Variants in MBD5 observed in about 807,000 individuals in gnomAD.
MBD5 encodes methyl-CpG-binding domain protein 5.
A neutral mutation model predicts 117.3 loss-of-function variants in MBD5; 13 were observed. The ratio of observed to expected loss-of-function variants is 0.11; its 90% CI spans 0.07 to 0.18. The LOEUF is 0.18. Ranked by LOEUF, MBD5 falls within the 10% of genes least tolerant of loss-of-function variation. The pLI is 1.00. For missense variants in MBD5, 1,879 were observed against 2,093.8 expected (o/e 0.90, Z 2.00); for synonymous variants, 727 against 766.4 (o/e 0.95, Z 0.85).
chr2:148,076,991 T>A (rs971576524), intron 1 of MBD5, among the ~76,000 whole-genome samples: 4 of 152,162 alleles, frequency 2.6e-5, no homozygotes, highest in Non-Finnish European at 4.4e-5. Context: ...TTTTAAAGGG[T>A]CAGGAAAAGA....
rs144975435 is a variant in MBD5 at position 148,288,000 on chromosome 2, G to C, written c.-679-54214G>C. ...TCTGAAGCTTTTCAAGTTTATTATA[G>C]ATGCTTTCTCATCTCAAATAACTCA... On this transcript the variant is annotated intron_variant, in intron 3 of 13. Coordinates refer to ENST00000642680, the MANE Select transcript of MBD5 (RefSeq NM_001378120.1). Among the ~76,000 whole-genome samples, 780 of 152,198 alleles carry C rather than the reference G, an allele frequency of 5.1e-3. 13 individuals are homozygous for C. Among genetic ancestry groups the C allele is most frequent in the African/African-American group, 0.018 (750 of 41,528 alleles).
At chr2:148,134,431 A>G (rs1041394518) in intron 1 of MBD5, among the ~76,000 whole-genome samples, 1 of 152,198 alleles carries the variant, frequency 6.6e-6, no homozygotes, top group Non-Finnish European at 1.5e-5. Context: ...AAAGTGGATT[A>G]TATTTCCTTT....
intron 4 of MBD5, among the ~76,000 whole-genome samples, chr2:148,366,961 G>A (rs754905408): frequency 6.6e-6 from 1 of 152,092 alleles, no homozygotes; most frequent in Non-Finnish European, 1.5e-5. Context: ...TTTCCTCACA[G>A]AATTAGAAAA....
chr2:148,498,947 T>C lies in MBD5; in HGVS notation c.4963-3489T>C, dbSNP rs566970023. Among the ~76,000 whole-genome samples the C allele has an allele frequency of 2.6e-3, 403 of 152,312 alleles. 1 individual carries two copies. Among genetic ancestry groups the C allele is most frequent in the African/African-American group, 9.2e-3 (384 of 41,574 alleles). ...TGAACAAACTATAAAACTATTTATGTTGAAGAATTATTATATCCAAACAAT... is the reference window on the plus strand; with the variant it reads ...TGAACAAACTATAAAACTATTTATGCTGAAGAATTATTATATCCAAACAAT... On this transcript the variant is annotated intron_variant, in intron 11 of 13. Transcript: ENST00000642680.
In MBD5 at chr2:148,483,842, C is replaced by T. The variant is rs1681246858; in HGVS notation, c.3251C>T (p.Thr1084Ile). The T allele has an allele frequency of 6.4e-7, 1 of 1,550,584 alleles. No homozygotes were observed. The highest frequency in any genetic ancestry group is 1.2e-5 in the South Asian group (1 of 84,058). Residue 1084 changes from threonine to isoleucine, a missense_variant, in exon 9 of 14, where the codon ACC (threonine) becomes ATC (isoleucine). Transcript: ENST00000642680. ...GTCAATGGGGCCTCAGGATTAATGA[C>T]CTTGAATCCCCAGCTGTTGGGAGGT... ...PAVNGASGLM[T>I]LNPQLLGGVL...
In MBD5 at chr2:148,314,375, G is replaced by GTTT. The variant is rs754531646; in HGVS notation, c.-679-27839_-679-27838insTTT. 3.4e-3 allele frequency among the ~76,000 whole-genome samples: 257 copies of GTTT among 74,872 alleles called. 1 individual carries two copies. The highest frequency in any genetic ancestry group is 5.5e-3 in the Non-Finnish European group (187 of 33,730). The allele number at this position is 74,872 out of a possible 152,430, so 49.1% of individuals were successfully genotyped here. A position where few individuals can be genotyped will look rare whatever the true frequency, so the allele number is the denominator to read the frequency against. On this transcript the variant is annotated intron_variant, in intron 3 of 13. Transcript: ENST00000642680. Reference sequence around the variant, plus strand: ...TCAGCAATTAATGTTTCAGTGTTATGGTTTTTTTTTTTTTTTTTTTGAGAC... The same window carrying GTTT: ...TCAGCAATTAATGTTTCAGTGTTATGTTTGTTTTTTTTTTTTTTTTTTTGAGAC...
chr2:148,422,153 A>G (rs1705629195), intron 4 of MBD5, among the ~76,000 whole-genome samples: 1 of 152,168 alleles, frequency 6.6e-6, no homozygotes, highest in Admixed American at 6.5e-5. Context: ...ACCTTTCAGT[A>G]GGGGCTGACA....
chr2:148,274,602 A>G, intron 3 of MBD5, among the ~76,000 whole-genome samples: 1 of 152,182 alleles, frequency 6.6e-6, no homozygotes, highest in East Asian at 1.9e-4. Flanking sequence ...GGATGGTAAA[A>G]TTTCTGGGTC....
intron 1 of MBD5, among the ~76,000 whole-genome samples, chr2:148,050,275 T>C (rs899796655): frequency 6.6e-6 from 1 of 152,204 alleles, no homozygotes; most frequent in African/African-American, 2.4e-5. Flanking sequence ...CCTTTACTGA[T>C]GGCTAACGAT....
chr2:148,498,854 T>C (rs1681785300), intron 11 of MBD5, among the ~76,000 whole-genome samples: 1 of 152,226 alleles, frequency 6.6e-6, no homozygotes, highest in Non-Finnish European at 1.5e-5. Context: ...TTCAGCCTTG[T>C]TCAGAAAAAC....
In MBD5 at chr2:148,354,615, C is replaced by T. The variant is rs1703329170; in HGVS notation, c.-557+12279C>T. 2.0e-5 allele frequency among the ~76,000 whole-genome samples: 3 copies of T among 152,060 alleles called. 1 individual carries two copies. In the South Asian group the frequency reaches 6.2e-4, roughly 31 times the overall value. ...CTTTATAGTAGAATGATTTATAATC[C>T]TTTGGGTGTATACCCAGTAATGGGA... On this transcript the variant is annotated intron_variant, in intron 4 of 13. Coordinates refer to ENST00000642680, the MANE Select transcript of MBD5 (RefSeq NM_001378120.1).
At chr2:148,323,964 T>C (rs1442381869) in intron 3 of MBD5, among the ~76,000 whole-genome samples, 1 of 152,206 alleles carries the variant, frequency 6.6e-6, no homozygotes, top group Non-Finnish European at 1.5e-5. Context: ...TTTAGGGTTT[T>C]TATGGTTTTA....
chr2:148,415,702 G>T (rs376391236), intron 4 of MBD5, among the ~76,000 whole-genome samples: 1 of 151,768 alleles, frequency 6.6e-6, no homozygotes, highest in Non-Finnish European at 1.5e-5. Flanking sequence ...GAGTTATTTC[G>T]CAGAACCAGT....
intron 1 of MBD5, among the ~76,000 whole-genome samples, chr2:148,058,025 T>A (rs908606747): frequency 2.6e-5 from 4 of 152,060 alleles, no homozygotes; most frequent in African/African-American, 9.6e-5. Flanking sequence ...ACATCAAGAA[T>A]GATGTTTTTT....
intron 1 of MBD5, among the ~76,000 whole-genome samples, chr2:148,120,097 A>G (rs1422238453): frequency 6.6e-6 from 1 of 152,058 alleles, no homozygotes; most frequent in African/African-American, 2.4e-5. Context: ...TTATATTTCT[A>G]GAGATGGAGT....
At chr2:148,300,925 C>T (rs1701765136) in intron 3 of MBD5, among the ~76,000 whole-genome samples, 1 of 152,228 alleles carries the variant, frequency 6.6e-6, no homozygotes. Flanking sequence ...AGCTTCCAGA[C>T]AGTAGCATTG....
At chr2:148,487,338 G>T (rs1229600413) in intron 10 of MBD5, among the ~76,000 whole-genome samples, 2 of 152,136 alleles carry the variant, frequency 1.3e-5, no homozygotes, top group East Asian at 1.9e-4. Context: ...TAGGTTGAAA[G>T]AAAGAAGGAG....
rs145955247 is a variant in MBD5 at position 148,252,176 on chromosome 2, A to G, written c.-680+18781A>G. Among the ~76,000 whole-genome samples, 42 of 152,196 alleles carry G rather than the reference A, an allele frequency of 2.8e-4. No individual in the cohort carries two copies. The East Asian group carries it at 6.2e-3, about 22-fold the overall frequency. ...GTATCTGAAGTGTCCTCATTAAGAA[A>G]CACTGTCTGGTCACGGTGACTCACG... On this transcript the variant is annotated intron_variant, in intron 3 of 13. Transcript: ENST00000642680.
chr2:148,324,663 G>A (rs1702392358), intron 3 of MBD5, among the ~76,000 whole-genome samples: 2 of 151,970 alleles, frequency 1.3e-5, no homozygotes, highest in Non-Finnish European at 2.9e-5. Context: ...AAGAATGCTT[G>A]TGATTTTTGT....
Sources: gnomAD v4.1 joint callset for allele counts (sites outside exome capture counted in the v4.1 genomes callset) on GRCh38, gnomAD v4.1.1 for gene constraint, MANE v1.5 for transcripts, NCBI Gene and HGNC (gene_info 2026-07-23, HGNC 2026-07-21) for gene names.